The following RANBP2 variants were observed in gnomAD, a reference collection of about 807,000 sequenced individuals.
RANBP2 encodes RAN binding protein 2.
Under a neutral mutation model 303.6 loss-of-function variants are expected in RANBP2, and 57 were observed. That is an observed-to-expected ratio of 0.19 (90% confidence interval 0.15 to 0.23). The LOEUF (loss-of-function observed/expected upper bound fraction) is 0.23, where lower values mean the gene tolerates loss of function less well. Among genes scored for constraint, RANBP2 ranks in the 10% least tolerant of loss-of-function variants. The probability of loss-of-function intolerance (pLI) is 1.00; values close to 1 mark genes in which losing one functional copy is unlikely to be tolerated. For missense variants in RANBP2, 3,138 were observed against 3,780.8 expected (o/e 0.83, Z 4.46); for synonymous variants, 1,167 against 1,301.5 (o/e 0.90, Z 2.23).
At chr2:108,882,877 T>A in the RANBP2 span, 1 of 152,090 alleles carries the variant, frequency 6.6e-6, no homozygotes, top group Non-Finnish European at 1.5e-5. Context: ...AGGTAGGGAT[T>A]TAAGGATGGC....
the RANBP2 span, among the ~76,000 whole-genome samples, chr2:108,867,904 G>A: frequency 6.6e-6 from 1 of 152,182 alleles, no homozygotes; most frequent in Non-Finnish European, 1.5e-5. Context: ...CTATCTGGGA[G>A]CTGAGGTGAG....
the RANBP2 span, among the ~76,000 whole-genome samples, chr2:108,851,251 C>T: frequency 1.3e-5 from 2 of 152,058 alleles, no homozygotes; most frequent in African/African-American, 2.4e-5. Context: ...TATGTCCAGC[C>T]GTCTGGAAGC....
At chr2:108,808,818 T>A in the RANBP2 span, among the ~76,000 whole-genome samples, 1 of 152,324 alleles carries the variant, frequency 6.6e-6, no homozygotes, top group Admixed American at 6.5e-5. Flanking sequence ...ATTCTTTTTA[T>A]TGTTTCCAAT....
rs1434832674 is a variant in RANBP2 at position 108,779,985 on chromosome 2, T to TGA, written c.8600-1284_8600-1283insGA. 3.9e-5 allele frequency among the ~76,000 whole-genome samples: 6 copies of TGA among 152,164 alleles called. No homozygotes were observed. The East Asian group carries it at 1.2e-3, about 29-fold the overall frequency. The stretch of plus-strand genomic sequence containing the variant: ...CAGGTTTGGCCTGCTGAGCTAAGTT[T>TGA]ACAAAATTTCAAGGTGGGTACTTGA... On this transcript the variant is annotated intron_variant, in intron 25 of 28. Transcript: ENST00000283195.
chr2:109,338,046 A>G, the RANBP2 span, among the ~76,000 whole-genome samples: 2 of 151,902 alleles, frequency 1.3e-5, no homozygotes, highest in African/African-American at 4.8e-5. Context: ...TCTGTTTTTG[A>G]TGGAGCTTGC....
chr2:109,213,117 C>T, the RANBP2 span, among the ~76,000 whole-genome samples: 1 of 152,288 alleles, frequency 6.6e-6, no homozygotes, highest in East Asian at 1.9e-4. Context: ...TTTGGGTGCT[C>T]TGGGCTGCAA....
the RANBP2 span, among the ~76,000 whole-genome samples, chr2:109,305,356 G>A: frequency 1.3e-4 from 20 of 152,072 alleles, no homozygotes; most frequent in African/African-American, 4.6e-4. Context: ...TTAATGGCAG[G>A]TATGGCCATG....
the RANBP2 span, among the ~76,000 whole-genome samples, chr2:108,853,968 A>T: frequency 8.9e-6 from 1 of 112,336 alleles, no homozygotes; most frequent in African/African-American, 3.4e-5. Context: ...ATATAATAAA[A>T]TATATATAAT....
chr2:108,954,963 C>T, the RANBP2 span, among the ~76,000 whole-genome samples: 10 of 152,132 alleles, frequency 6.6e-5, no homozygotes, highest in Non-Finnish European at 1.2e-4. Context: ...GGATTACATG[C>T]GTGAGCCACC....
the RANBP2 span, among the ~76,000 whole-genome samples, chr2:109,562,271 T>C: frequency 6.6e-6 from 1 of 151,462 alleles, no homozygotes; most frequent in Non-Finnish European, 1.5e-5. Flanking sequence ...TTAAGCATGC[T>C]TCTCACCCCT....
chr2:109,744,617 G>T, the RANBP2 span, among the ~76,000 whole-genome samples: 1 of 101,472 alleles, frequency 9.9e-6, no homozygotes, highest in African/African-American at 2.7e-5. Context: ...GATCTGAATA[G>T]ATATCTCACC....
At chr2:109,326,817 C>G in the RANBP2 span, among the ~76,000 whole-genome samples, 1 of 152,216 alleles carries the variant, frequency 6.6e-6, no homozygotes, top group Non-Finnish European at 1.5e-5. Flanking sequence ...AGGGGGACGC[C>G]TGTCTCATGG....
At chr2:109,494,321 T>C in the RANBP2 span, among the ~76,000 whole-genome samples, 1 of 152,110 alleles carries the variant, frequency 6.6e-6, no homozygotes, top group Non-Finnish European at 1.5e-5. Context: ...AAGCACTCTG[T>C]AGCACTCATT....
chr2:109,265,319 C>T, the RANBP2 span, among the ~76,000 whole-genome samples: 2 of 152,194 alleles, frequency 1.3e-5, no homozygotes, highest in South Asian at 2.1e-4. Context: ...GGGTGAGATG[C>T]GGAAAACAAG....
chr2:108,981,894 T>C, the RANBP2 span, among the ~76,000 whole-genome samples: 8 of 152,200 alleles, frequency 5.3e-5, no homozygotes, highest in African/African-American at 1.7e-4. Flanking sequence ...ACGGAAACGC[T>C]AAGGAAGCAA....
the RANBP2 span, among the ~76,000 whole-genome samples, chr2:109,238,561 G>A: frequency 6.6e-6 from 1 of 151,322 alleles, no homozygotes; most frequent in Non-Finnish European, 1.5e-5. Context: ...ATCTCTGCTG[G>A]AAACTGGAAA....
chr2:108,742,874 C>G (rs1482041243), intron 7 of RANBP2, among the ~76,000 whole-genome samples: 1 of 152,040 alleles, frequency 6.6e-6, no homozygotes, highest in Non-Finnish European at 1.5e-5. Flanking sequence ...CTGCAAGCTC[C>G]ACCTCCTGGG....
the RANBP2 span, among the ~76,000 whole-genome samples, chr2:109,026,297 C>CTTTTTTT: frequency 1.2e-4 from 11 of 93,422 alleles, 1 homozygote; most frequent in East Asian, 7.6e-4. Context: ...CCATGCCTAG[C>CTTTTTTT]TTTTTTTTTT....
At chr2:109,219,249 G>A in the RANBP2 span, among the ~76,000 whole-genome samples, 4 of 152,054 alleles carry the variant, frequency 2.6e-5, no homozygotes, top group Admixed American at 1.3e-4. Context: ...TCAGACTACC[G>A]TTTTTGCTCA....
Sources: allele counts gnomAD v4.1 joint callset (sites outside exome capture counted in the v4.1 genomes callset), GRCh38; gene constraint gnomAD v4.1.1; transcripts MANE v1.5; gene names NCBI Gene and HGNC (gene_info 2026-07-23, HGNC 2026-07-21).